CAMKK2: variants seen among roughly 807,000 people sequenced by gnomAD.
CAMKK2 encodes calcium/calmodulin-dependent protein kinase kinase 2.
Under a neutral mutation model 67.2 loss-of-function variants are expected in CAMKK2, and 30 were observed. The observed-to-expected ratio is 0.45, with a 90% CI of 0.33 to 0.61. The LOEUF is 0.61. Ranked by LOEUF, CAMKK2 falls within the 20% of genes least tolerant of loss-of-function variation. The pLI is 0.02. For synonymous variants in CAMKK2, 322 were observed against 326.2 expected (o/e 0.99, Z 0.14); for missense variants, 643 against 802.0 (o/e 0.80, Z 2.39).
At position 121,269,823 on chromosome 12, in the gene CAMKK2, C is replaced by T. The variant is rs192308776; in HGVS notation, c.520-242G>A. On this transcript the variant is annotated intron_variant, in intron 3 of 16. Transcript: ENST00000404169. Reference sequence around the variant, plus strand: ...CAATACTTTGGGAGGCCGAGGCAGGCGGATCACTTGAGTTAAGGAGTTTGA... The same window carrying T: ...CAATACTTTGGGAGGCCGAGGCAGGTGGATCACTTGAGTTAAGGAGTTTGA... 1.1e-3 allele frequency: 475 copies of T among 416,128 alleles called. 11 individuals are homozygous for T. The East Asian group carries it at 0.015, about 13-fold the overall frequency. 25.8% of individuals were successfully genotyped at this position (416,128 alleles called of 1,614,324 possible).
upstream of CAMKK2, among the ~76,000 whole-genome samples, chr12:121,296,922 T>G (rs933938338): frequency 4.8e-5 from 7 of 145,202 alleles, no homozygotes; most frequent in Admixed American, 6.7e-5. This position sits in a 1 kb window ranked among gnomAD's most constrained non-coding sequence, Gnocchi z 7.1. Context: ...CGGGGAGGGG[T>G]GGGGAGGCGG....
chr12:121,295,783 G>A (rs1298406487), intron 1 of CAMKK2, among the ~76,000 whole-genome samples: 2 of 152,168 alleles, frequency 1.3e-5, no homozygotes, highest in Non-Finnish European at 2.9e-5. Flanking sequence ...GGGCTGAGCT[G>A]CATCCTGTCC....
chr12:121,295,274 T>G (rs1900918088), intron 1 of CAMKK2, among the ~76,000 whole-genome samples: 1 of 152,192 alleles, frequency 6.6e-6, no homozygotes, highest in South Asian at 2.1e-4. Flanking sequence ...CACCAATGCC[T>G]GCTTCCTCCA....
At position 121,238,901 on chromosome 12, in the gene CAMKK2, C is replaced by T. The variant is rs1887933586; in HGVS notation, c.*1798G>A. 1 of 152,656 alleles carries T rather than the reference C, an allele frequency of 6.6e-6. No homozygotes were observed. The highest frequency in any genetic ancestry group is 2.1e-4 in the South Asian group (1 of 4,836). The allele number at this position is 152,656 out of a possible 1,614,324, so 9.5% of individuals were successfully genotyped here. On this transcript the variant is annotated 3_prime_UTR_variant, in exon 17 of 17. Coordinates refer to ENST00000404169, the MANE Select transcript of CAMKK2 (RefSeq NM_001270485.2). ...GGGGTGGAGCTATTGAGTCCTCTCC[C>T]CATAAACATAAAGCCAGGAGGGCAA... is the stretch of plus-strand genomic sequence containing the variant.
In CAMKK2 at chr12:121,296,117, T is replaced by C. The variant is rs1202966857; in HGVS notation, c.-60+521A>G. Among the ~76,000 whole-genome samples, 1 of 152,130 alleles carries C rather than the reference T, an allele frequency of 6.6e-6. No individual in the cohort carries two copies. On this transcript the variant is annotated intron_variant, in intron 1 of 16. Transcript: ENST00000404169. This position sits in a 1 kb window ranked among gnomAD's most constrained non-coding sequence, Gnocchi z 7.1. Reference sequence around the variant, plus strand: ...AGACCGAAGACAGCCAAAGGTCCCCTAGGTCCCCACAACTGCTGGCCTAGG... The same window carrying C: ...AGACCGAAGACAGCCAAAGGTCCCCCAGGTCCCCACAACTGCTGGCCTAGG...
intron 7 of CAMKK2, among the ~76,000 whole-genome samples, chr12:121,259,613 A>AT (rs758305461): frequency 4.6e-5 from 7 of 152,178 alleles, no homozygotes; most frequent in Non-Finnish European, 5.9e-5. Flanking sequence ...CCATACCTAT[A>AT]TGCCACATCA....
chr12:121,255,807 G>A lies in CAMKK2; in HGVS notation c.797-3C>T. On this transcript the variant is annotated splice_region_variant and splice_polypyrimidine_tract_variant and intron_variant, in intron 7 of 16. Transcript: ENST00000404169. Reference sequence around the variant, plus strand: ...CCCTTGGTTGACCAGTTCGAACACTGTAGGGAAGAAAAGGGTGAAACTGTT... The same window carrying A: ...CCCTTGGTTGACCAGTTCGAACACTATAGGGAAGAAAAGGGTGAAACTGTT... The A allele has an allele frequency of 6.2e-7, 1 of 1,613,820 alleles. No homozygotes were observed. Among genetic ancestry groups the A allele is most frequent in the East Asian group, 2.2e-5 (1 of 44,874 alleles).
chr12:121,255,366 T>C (rs1352065183), intron 9 of CAMKK2, among the ~76,000 whole-genome samples, 184 bp downstream of exon 9: 3 of 21,440 alleles, frequency 1.4e-4, no homozygotes, highest in Non-Finnish European at 2.4e-4. Flanking sequence ...ATATATATAA[T>C]TTTATATATA....
intron 1 of CAMKK2, among the ~76,000 whole-genome samples, chr12:121,292,512 G>A (rs1020419795): frequency 2.8e-4 from 43 of 152,122 alleles, no homozygotes; most frequent in African/African-American, 9.2e-4. Context: ...AAAGAAGATC[G>A]GTTTCAAAAG....
At position 121,296,414 on chromosome 12, in the gene CAMKK2, G is replaced by T. The variant is rs900989396; in HGVS notation, c.-60+224C>A. On this transcript the variant is annotated intron_variant, in intron 1 of 16. Transcript: ENST00000404169. This position sits in a 1 kb window ranked among gnomAD's most constrained non-coding sequence, Gnocchi z 7.1. ...AGGAGGCCATCCCGAGGCCCAGGGC[G>T]CCCAGAGGACGCGGGGGAAGGGCTG... 6.6e-6 allele frequency among the ~76,000 whole-genome samples: 1 copy of T among 152,158 alleles called. No homozygotes were observed. The highest frequency in any genetic ancestry group is 1.5e-5 in the Non-Finnish European group (1 of 68,006).
intron 16 of CAMKK2, among the ~76,000 whole-genome samples, chr12:121,242,158 C>A (rs981033264): frequency 6.6e-6 from 1 of 151,862 alleles, no homozygotes; most frequent in Non-Finnish European, 1.5e-5. Flanking sequence ...ATGGTGAAAC[C>A]CCCATCTCTA....
rs1278350636 is a variant in CAMKK2, at chr12:121,248,798, G to A, written c.1324-64C>T. On this transcript the variant is annotated intron_variant, in intron 13 of 16. Coordinates refer to ENST00000404169, the MANE Select transcript of CAMKK2 (RefSeq NM_001270485.2). ...CTGGCTACCGGGGGGCCCTGCCAGC[G>A]AGCGGAGCCACAAGGGCATGCAGGA... is the stretch of plus-strand genomic sequence containing the variant. 9.4e-6 allele frequency: 15 copies of A among 1,593,754 alleles called. No homozygotes were observed. The Admixed American group carries it at 1.0e-4, about 11-fold the overall frequency.
Position 121,245,083 on chromosome 12 carries a change from C to T in CAMKK2, c.1553+57G>A, listed in dbSNP as rs1296376274. The T allele has an allele frequency of 7.9e-7, 1 of 1,267,364 alleles. No individual in the cohort carries two copies. Among genetic ancestry groups the T allele is most frequent in the Admixed American group, 2.0e-5 (1 of 50,816 alleles). 78.5% of individuals were successfully genotyped at this position (1,267,364 alleles called of 1,614,324 possible). A position where few individuals can be genotyped will look rare whatever the true frequency, so the allele number is the denominator to read the frequency against. On this transcript the variant is annotated intron_variant, in intron 15 of 16. Coordinates refer to ENST00000404169, the MANE Select transcript of CAMKK2 (RefSeq NM_001270485.2). The surrounding 1 kb of genome is among the most constrained non-coding windows in gnomAD (Gnocchi z 5.8). ...TGCAGAGTGGTCTGGGCAGGGCTGCCCCAAGCCTAGCCTCCAGCCACCACT... is the reference window on the plus strand; with the variant it reads ...TGCAGAGTGGTCTGGGCAGGGCTGCTCCAAGCCTAGCCTCCAGCCACCACT...
chr12:121,253,292 C>A lies in CAMKK2; in HGVS notation c.1088G>T (p.Arg363Leu), dbSNP rs770005277. 2 of 1,614,078 alleles carry A rather than the reference C, an allele frequency of 1.2e-6. No homozygotes were observed. The highest frequency in any genetic ancestry group is 1.7e-6 in the Non-Finnish European group (2 of 1,179,964). Residue 363 changes from arginine to leucine, a missense_variant, in exon 10 of 17, where the codon CGC (arginine) becomes CTC (leucine). Arg to Leu is a moderately radical substitution (Grantham distance 102). Transcript: ENST00000404169. This position sits in a 1 kb window ranked among gnomAD's most constrained non-coding sequence, Gnocchi z 5.0. Reference sequence around the variant, plus strand: ...GCTTACCTTCCCAGAGAAGATCTTGCGGGTCTCAGAGAGCGACTCGGGTGC... The same window carrying A: ...GCTTACCTTCCCAGAGAAGATCTTGAGGGTCTCAGAGAGCGACTCGGGTGC... The part of the protein sequence containing the change: ...FMAPESLSET[R>L]KIFSGKALDV...
In CAMKK2 at chr12:121,260,181, G is replaced by A. The variant is rs890212783; in HGVS notation, c.796+138C>T. On this transcript the variant is annotated intron_variant, in intron 7 of 16. Transcript: ENST00000404169. ...GATCCCAACCAGGGGTGTGGCCTCCGGTGGGGCCAGCTGGACCAGGAAAGG... is the reference window on the plus strand; with the variant it reads ...GATCCCAACCAGGGGTGTGGCCTCCAGTGGGGCCAGCTGGACCAGGAAAGG... 7.4e-5 allele frequency: 51 copies of A among 693,552 alleles called. No homozygotes were observed. In the South Asian group the frequency reaches 7.5e-4, roughly 10 times the overall value. 43.0% of individuals were successfully genotyped at this position (693,552 alleles called of 1,614,324 possible).
intron 1 of CAMKK2, among the ~76,000 whole-genome samples, chr12:121,278,864 A>T (rs926051777): frequency 6.6e-6 from 1 of 152,228 alleles, no homozygotes; most frequent in African/African-American, 2.4e-5. Context: ...TGTTCCCACG[A>T]GGACCAATGT....
chr12:121,289,434 T>C (rs1899511196), intron 1 of CAMKK2, among the ~76,000 whole-genome samples: 1 of 152,194 alleles, frequency 6.6e-6, no homozygotes, highest in African/African-American at 2.4e-5. Context: ...TTTATTATTA[T>C]TATCTTGGTT....
chr12:121,258,546 G>A (rs926459785), intron 7 of CAMKK2, among the ~76,000 whole-genome samples: 1 of 152,162 alleles, frequency 6.6e-6, no homozygotes. Flanking sequence ...GACCCTTTCT[G>A]ATACCTACTA....
intron 6 of CAMKK2, among the ~76,000 whole-genome samples, chr12:121,262,185 T>C (rs1332217910): frequency 6.6e-6 from 1 of 151,984 alleles, no homozygotes; most frequent in Admixed American, 6.6e-5. Context: ...AAATGAAAAA[T>C]GAAGCCACTC....
Sources: gnomAD v4.1 joint callset for allele counts (sites outside exome capture counted in the v4.1 genomes callset) on GRCh38, gnomAD v4.1.1 for gene constraint, Gnocchi (gnomAD v3.1) non-coding constraint, MANE v1.5 for transcripts, NCBI Gene and HGNC (gene_info 2026-07-23, HGNC 2026-07-21) for gene names.